Variants in SRPK2 observed in about 807,000 individuals in gnomAD.
SRPK2 encodes the protein SFRS protein kinase 2.
A neutral mutation model predicts 90.8 loss-of-function variants in SRPK2; 21 were observed. The ratio of observed to expected loss-of-function variants is 0.23; its 90% CI spans 0.16 to 0.33. SRPK2 has a LOEUF of 0.33. SRPK2 is among the 10% of genes least tolerant of loss of function. The pLI, the probability that SRPK2 is intolerant of heterozygous loss-of-function variation, is 1.00. For missense variants in SRPK2, 620 were observed against 869.0 expected, an observed-to-expected ratio of 0.71 and a Z score of 3.60; for synonymous variants, 288 against 311.1, an observed-to-expected ratio of 0.93 and a Z score of 0.78.
rs191268331 is a variant in SRPK2 at position 105,126,173 on chromosome 7, A to G, written c.1915+75T>C. ...ATTTAGGAGAAATGCCTTTGTCACC[A>G]TTAATGCTAAAATCAGCAGCTGCTC... On this transcript the variant is annotated intron_variant, in intron 15 of 15. Transcript: ENST00000393651. The G allele has an allele frequency of 6.9e-4, 841 of 1,216,702 alleles. 1 individual carries two copies. The highest frequency in any genetic ancestry group is 9.7e-4 in the Non-Finnish European group (804 of 827,908). 75.4% of individuals were successfully genotyped at this position (1,216,702 alleles called of 1,614,324 possible). A position where few individuals can be genotyped will look rare whatever the true frequency, so the allele number is the denominator to read the frequency against.
chr7:105,375,485 T>C (rs1251381787), intron 2 of SRPK2, among the ~76,000 whole-genome samples: 1 of 152,122 alleles, frequency 6.6e-6, no homozygotes, highest in Non-Finnish European at 1.5e-5. Context: ...AGTTTAAGAC[T>C]AACCTGGGCA....
intron 2 of SRPK2, among the ~76,000 whole-genome samples, chr7:105,291,023 C>A (rs1484673856): frequency 8.0e-6 from 1 of 124,260 alleles, no homozygotes; most frequent in Non-Finnish European, 1.6e-5. Flanking sequence ...CCGGCCTGGG[C>A]GACAGAGCGA....
At chr7:105,167,278 G>A (rs1373547719) in intron 6 of SRPK2, 99 bp downstream of exon 6, 2 of 932,916 alleles carry the variant, frequency 2.1e-6, no homozygotes, top group Non-Finnish European at 3.3e-6. Flanking sequence ...GAGTGTTTAT[G>A]TTGAAGGTGA....
Position 105,388,729 on chromosome 7 carries a change from G to T in SRPK2, c.17-27C>A, listed in dbSNP as rs369530914. On this transcript the variant is annotated intron_variant, in intron 1 of 15. Coordinates refer to ENST00000393651, the MANE Select transcript of SRPK2 (RefSeq NM_182692.3). ...TGGGGAAGAGAAGACACACATTAAC[G>T]GTCGGGCCGCCCGCCCGGGCTGGCC... The T allele has an allele frequency of 1.5e-5, 24 of 1,561,266 alleles. No homozygotes were observed. In the Admixed American group the frequency reaches 3.1e-4, roughly 20 times the overall value.
chr7:105,319,860 C>CTT (rs75125198), intron 2 of SRPK2, among the ~76,000 whole-genome samples: 6 of 145,766 alleles, frequency 4.1e-5, no homozygotes, highest in Admixed American at 6.8e-5. Context: ...ACTTCCCCCC[C>CTT]TTTTTTTTTT....
At position 105,232,195 on chromosome 7, in the gene SRPK2, G is replaced by A. The variant is rs544690263; in HGVS notation, c.72-28410C>T. ...AAGATCAAGTTTGCAGGCCGGGCGC[G>A]GTGGCTCACGTCTGTAAGCCCGGCA... On this transcript the variant is annotated intron_variant, in intron 2 of 15. Coordinates refer to ENST00000393651, the MANE Select transcript of SRPK2 (RefSeq NM_182692.3). Among the ~76,000 whole-genome samples the A allele has an allele frequency of 5.1e-4, 77 of 152,168 alleles. 1 individual carries two copies. Among genetic ancestry groups the A allele is most frequent in the African/African-American group, 1.8e-3 (74 of 41,514 alleles).
intron 1 of SRPK2, among the ~76,000 whole-genome samples, chr7:105,397,340 T>A (rs1399920383): frequency 1.3e-5 from 2 of 151,016 alleles, no homozygotes; most frequent in African/African-American, 2.4e-5. Context: ...TCTTTTTTTT[T>A]TTTTTTTGAG....
intron 2 of SRPK2, among the ~76,000 whole-genome samples, chr7:105,352,406 G>C (rs1219287481): frequency 1.3e-5 from 2 of 152,216 alleles, no homozygotes; most frequent in African/African-American, 4.8e-5. Flanking sequence ...GAGGTCCACA[G>C]AGCAACAGGC....
chr7:105,242,529 T>C (rs1296550682), intron 2 of SRPK2, among the ~76,000 whole-genome samples: 1 of 151,662 alleles, frequency 6.6e-6, no homozygotes, highest in African/African-American at 2.4e-5. Flanking sequence ...AATAAATAAA[T>C]AAAAAGCAGC....
chr7:105,386,076 A>G (rs2132771792), intron 2 of SRPK2, among the ~76,000 whole-genome samples: 1 of 152,236 alleles, frequency 6.6e-6, no homozygotes, highest in Admixed American at 6.5e-5. Context: ...GCACTTTAGG[A>G]GGCCGAGGCG....
chr7:105,291,451 G>C (rs1055382758), intron 2 of SRPK2, among the ~76,000 whole-genome samples: 1 of 152,136 alleles, frequency 6.6e-6, no homozygotes, highest in African/African-American at 2.4e-5. Context: ...TTGTGAGGCT[G>C]GGCACAGTGG....
intron 3 of SRPK2, among the ~76,000 whole-genome samples, chr7:105,183,974 AT>A (rs57622134): frequency 1.7e-3 from 200 of 116,264 alleles, no homozygotes; most frequent in African/African-American, 5.1e-3. Context: ...ACTATTACCA[AT>A]TTTTTTTTTT....
intron 2 of SRPK2, among the ~76,000 whole-genome samples, chr7:105,298,214 G>C (rs1393210523): frequency 6.6e-6 from 1 of 152,150 alleles, no homozygotes; most frequent in East Asian, 1.9e-4. Flanking sequence ...GGCAACTACT[G>C]ATGTGTTTCC....
intron 2 of SRPK2, among the ~76,000 whole-genome samples, chr7:105,376,248 T>G (rs1426546666): frequency 6.6e-6 from 1 of 151,734 alleles, no homozygotes; most frequent in Non-Finnish European, 1.5e-5. Flanking sequence ...CCGCCCGCCT[T>G]GGCCTCCCAA....
At chr7:105,256,348 T>C (rs1803307648) in intron 2 of SRPK2, among the ~76,000 whole-genome samples, 1 of 152,280 alleles carries the variant, frequency 6.6e-6, no homozygotes, top group East Asian at 1.9e-4. Context: ...TATGTATGTA[T>C]GTACGTACGT....
At chr7:105,245,068 CACACA>C in intron 2 of SRPK2, 2 of 632,636 alleles carry the variant, frequency 3.2e-6, no homozygotes, top group South Asian at 1.8e-5. Flanking sequence ...CACACACACA[CACACA>C]CCTCTTTTTC....
intron 13 of SRPK2, among the ~76,000 whole-genome samples, chr7:105,129,015 G>A (rs2129574371): frequency 6.6e-6 from 1 of 152,284 alleles, no homozygotes; most frequent in Admixed American, 6.5e-5. Context: ...CTGTCACCCA[G>A]GCTGGAGTGC....
At chr7:105,259,117 T>G (rs6955753) in intron 2 of SRPK2, among the ~76,000 whole-genome samples, 65,761 of 152,012 alleles carry the variant, frequency 0.43, 15,605 homozygotes, top group South Asian at 0.53. Context: ...GCAGATGACA[T>G]GATTGTATAT....
At chr7:105,135,287 C>G (rs1451225213) in intron 11 of SRPK2, among the ~76,000 whole-genome samples, 2 of 152,126 alleles carry the variant, frequency 1.3e-5, no homozygotes, top group African/African-American at 4.8e-5. Context: ...AAGGGACCAC[C>G]CCTTCCCCAC....
Sources: allele counts gnomAD v4.1 joint callset (sites outside exome capture counted in the v4.1 genomes callset), GRCh38; gene constraint gnomAD v4.1.1; transcripts MANE v1.5; gene names NCBI Gene and HGNC (gene_info 2026-07-23, HGNC 2026-07-21).